The following ROBO2 variants were observed in gnomAD, a reference collection of about 807,000 sequenced individuals.
ROBO2 encodes the protein roundabout guidance receptor 2, also known as roundabout homolog 2.
ROBO2 carries 53 observed loss-of-function variants against 160.8 expected under a neutral mutation model. That is an observed-to-expected ratio of 0.33 (90% CI 0.26 to 0.41). The LOEUF is 0.41. Ranked by LOEUF, ROBO2 falls within the 10% of genes least tolerant of loss-of-function variation. The pLI is 1.00. For synonymous variants in ROBO2, 664 were observed against 611.7 expected (o/e 1.09, Z -1.26); for missense variants, 1,577 against 1,722.4 (o/e 0.92, Z 1.49).
At chr3:76,642,384 G>A (rs932079014) in intron 2 of ROBO2, among the ~76,000 whole-genome samples, 92 of 115,462 alleles carry the variant, frequency 8.0e-4, no homozygotes, top group Middle Eastern at 8.2e-3. Flanking sequence ...ACGGAGACTC[G>A]CTCTGTCGCC....
chr3:76,350,894 T>A (rs1277525855), intron 2 of ROBO2, among the ~76,000 whole-genome samples: 1 of 151,938 alleles, frequency 6.6e-6, no homozygotes, highest in Admixed American at 6.6e-5. Context: ...ATTCCTAGTC[T>A]GCTCATAAAA....
intron 2 of ROBO2, among the ~76,000 whole-genome samples, chr3:77,361,248 C>CGTTTT (rs1445484451): frequency 6.6e-6 from 1 of 152,024 alleles, no homozygotes; most frequent in African/African-American, 2.4e-5. Flanking sequence ...AAGAGCAAAT[C>CGTTTT]GTTTTGTTTT....
intron 2 of ROBO2, among the ~76,000 whole-genome samples, chr3:77,426,689 GA>G (rs2078244998): frequency 7.5e-6 from 1 of 132,548 alleles, no homozygotes; most frequent in African/African-American, 2.9e-5. Context: ...AGGAAGGAAG[GA>G]AGGAAGGAAG....
At chr3:76,849,039 C>T (rs760063193) in intron 2 of ROBO2, among the ~76,000 whole-genome samples, 53 of 152,050 alleles carry the variant, frequency 3.5e-4, no homozygotes, top group Admixed American at 7.2e-4. Flanking sequence ...AACATTTTTG[C>T]CCAAGTGTCA....
intron 2 of ROBO2, among the ~76,000 whole-genome samples, chr3:77,268,514 A>G (rs2059281020): frequency 6.6e-6 from 1 of 152,204 alleles, no homozygotes; most frequent in Non-Finnish European, 1.5e-5. Flanking sequence ...TTAGGACACC[A>G]AGACTAGAAA....
At chr3:76,035,034 CTT>C (rs561492719) in intron 2 of ROBO2, among the ~76,000 whole-genome samples, 107 of 152,184 alleles carry the variant, frequency 7.0e-4, no homozygotes, top group African/African-American at 2.5e-3. Context: ...TGTGAATCTT[CTT>C]TATAATCGCC....
intron 2 of ROBO2, among the ~76,000 whole-genome samples, chr3:77,344,987 C>T (rs1331602747): frequency 1.3e-5 from 2 of 151,976 alleles, no homozygotes; most frequent in South Asian, 4.1e-4. Context: ...TACCCCAAAG[C>T]TTAGAGGCTC....
chr3:75,910,742 G>A (rs1946539453), intron 1 of ROBO2, among the ~76,000 whole-genome samples: 1 of 152,108 alleles, frequency 6.6e-6, no homozygotes, highest in Non-Finnish European at 1.5e-5. Flanking sequence ...TTAAGAATAG[G>A]TAGGAATTGT....
At chr3:76,434,720 C>T in intron 2 of ROBO2, 1 of 1,084,928 alleles carries the variant, frequency 9.2e-7, no homozygotes, top group Non-Finnish European at 1.4e-6. Context: ...CCCCTCCTCC[C>T]CCAGTCTCTA....
At position 76,687,487 on chromosome 3, in the gene ROBO2, T is replaced by C. The variant is rs912855248; in HGVS notation, c.110-410527T>C. 1.8e-4 allele frequency among the ~76,000 whole-genome samples: 28 copies of C among 151,788 alleles called. No homozygotes were observed. In the Admixed American group the frequency reaches 1.8e-3, roughly 10 times the overall value. On this transcript the variant is annotated intron_variant, in intron 2 of 26. Coordinates refer to the ROBO2 transcript ENST00000487694. ...GGCCTTAAAGATGACAGTCACATGA[T>C]CAAAAAGAAAGATTTTAAAAAATAC...
chr3:76,609,813 TTTTAA>T (rs1336514531), intron 2 of ROBO2, among the ~76,000 whole-genome samples: 3 of 152,314 alleles, frequency 2.0e-5, no homozygotes, highest in African/African-American at 7.2e-5. Flanking sequence ...TGAAGAAAAG[TTTTAA>T]TTTATTTCTC....
At chr3:77,055,124 G>A (rs2065612221) in intron 1 of ROBO2, among the ~76,000 whole-genome samples, 1 of 150,594 alleles carries the variant, frequency 6.6e-6, no homozygotes, top group Non-Finnish European at 1.5e-5. Flanking sequence ...TCACCCTTCT[G>A]TGATTTTTAT....
At chr3:76,301,791 G>C (rs1473604115) in intron 2 of ROBO2, among the ~76,000 whole-genome samples, 1 of 152,078 alleles carries the variant, frequency 6.6e-6, no homozygotes, top group African/African-American at 2.4e-5. Context: ...CTTTGACCAT[G>C]TAACAAAAAT....
At chr3:76,420,148 C>T (rs2075930733) in intron 2 of ROBO2, among the ~76,000 whole-genome samples, 1 of 152,022 alleles carries the variant, frequency 6.6e-6, no homozygotes, top group African/African-American at 2.4e-5. Flanking sequence ...TATTATTTGG[C>T]CTTTTGACAA....
At chr3:77,640,367 C>T (rs544260372) in intron 24 of ROBO2, among the ~76,000 whole-genome samples, 20 of 152,274 alleles carry the variant, frequency 1.3e-4, no homozygotes, top group African/African-American at 4.3e-4. Flanking sequence ...CCCGCCTTGG[C>T]CTCCCAAAGT....
rs546443112 is a variant in ROBO2 at position 77,156,090 on chromosome 3, T to G, written c.388+57750T>G. Among the ~76,000 whole-genome samples the G allele has an allele frequency of 6.7e-4, 102 of 152,108 alleles. 1 individual carries two copies. The highest frequency in any genetic ancestry group is 2.4e-3 in the African/African-American group (98 of 41,526). On this transcript the variant is annotated intron_variant, in intron 2 of 25. Transcript: ENST00000461745. ...CCACATAACCCATTGCCTACCTGAA[T>G]TGTTTTTTCTTTGTCTTAAAATTTC...
At chr3:76,976,658 T>C (rs2059830301) in intron 2 of ROBO2, among the ~76,000 whole-genome samples, 2 of 152,196 alleles carry the variant, frequency 1.3e-5, no homozygotes, top group Non-Finnish European at 2.9e-5. Flanking sequence ...TGATTTCCAT[T>C]GAGTCACATT....
intron 2 of ROBO2, among the ~76,000 whole-genome samples, chr3:76,489,027 G>C (rs2079653864): frequency 7.5e-6 from 1 of 133,994 alleles, no homozygotes; most frequent in African/African-American, 2.7e-5. Flanking sequence ...GGAGGTTGCA[G>C]TTAGCCAAGA....
chr3:75,962,765 C>T (rs964038966), intron 2 of ROBO2, among the ~76,000 whole-genome samples: 1 of 151,656 alleles, frequency 6.6e-6, no homozygotes, highest in Admixed American at 6.6e-5. Flanking sequence ...AAAAATAATT[C>T]TTTCGTGCTG....
Sources: allele counts gnomAD v4.1 joint callset (sites outside exome capture counted in the v4.1 genomes callset), GRCh38; gene constraint gnomAD v4.1.1; transcripts MANE v1.5; gene names NCBI Gene and HGNC (gene_info 2026-07-23, HGNC 2026-07-21).